Variants in RHBDD1 observed in about 807,000 individuals in gnomAD.
The protein encoded by RHBDD1 is rhomboid domain containing 1.
Under a neutral mutation model 36.3 loss-of-function variants are expected in RHBDD1, and 38 were observed. That is an observed-to-expected ratio of 1.05 (90% CI 0.81 to 1.37). The LOEUF is 1.37. Among genes scored for constraint, RHBDD1 ranks in the 40% most tolerant of loss-of-function variants. RHBDD1 has a pLI of 0.00. For missense variants in RHBDD1, 393 were observed against 377.6 expected, an observed-to-expected ratio of 1.04 and a Z score of -0.34; for synonymous variants, 151 against 136.5, an observed-to-expected ratio of 1.11 and a Z score of -0.74.
the RHBDD1 span, among the ~76,000 whole-genome samples, chr2:226,800,407 C>T: frequency 6.6e-6 from 1 of 152,142 alleles, no homozygotes. Flanking sequence ...CCGTGAGGTA[C>T]CTGGAAGGAA....
intron 8 of RHBDD1, among the ~76,000 whole-genome samples, chr2:226,940,337 ACTAT>A (rs1016781960): frequency 3.3e-5 from 5 of 152,214 alleles, no homozygotes; most frequent in African/African-American, 9.6e-5. Flanking sequence ...ACCAAAAGAA[ACTAT>A]CTAATTGTAC....
chr2:226,927,438 T>C (rs1949737449), intron 8 of RHBDD1, among the ~76,000 whole-genome samples: 1 of 151,810 alleles, frequency 6.6e-6, no homozygotes, highest in Non-Finnish European at 1.5e-5. Context: ...GCTATAAAAA[T>C]TTACGTACCG....
At chr2:226,835,347 A>G (rs747611033), upstream of RHBDD1, among the ~76,000 whole-genome samples, 1 of 152,254 alleles carries the variant, frequency 6.6e-6, no homozygotes, top group Non-Finnish European at 1.5e-5. Flanking sequence ...GTATTAATCG[A>G]AATTCTATTA....
intron 3 of RHBDD1, among the ~76,000 whole-genome samples, chr2:226,856,393 A>G (rs1296923559): frequency 6.6e-6 from 1 of 152,208 alleles, no homozygotes; most frequent in African/African-American, 2.4e-5. Flanking sequence ...TACATTTTGT[A>G]ACTGGATTCT....
intron 8 of RHBDD1, among the ~76,000 whole-genome samples, chr2:226,929,875 A>G (rs987629820): frequency 6.6e-6 from 1 of 151,952 alleles, no homozygotes; most frequent in African/African-American, 2.4e-5. Context: ...ATCAAATCCA[A>G]AACTCAACCC....
chr2:226,981,097 C>CT (rs1241843167), intron 8 of RHBDD1, among the ~76,000 whole-genome samples: 1 of 152,134 alleles, frequency 6.6e-6, no homozygotes, highest in Non-Finnish European at 1.5e-5. Context: ...TTCCATCACT[C>CT]TGAGTAAACT....
chr2:226,981,258 C>G (rs1298143814), intron 8 of RHBDD1, among the ~76,000 whole-genome samples: 1 of 152,072 alleles, frequency 6.6e-6, no homozygotes, highest in Non-Finnish European at 1.5e-5. Flanking sequence ...GGAGAAATAC[C>G]TAATGTAAAT....
At chr2:226,906,247 G>A (rs533177805) in intron 5 of RHBDD1, among the ~76,000 whole-genome samples, 2 of 152,260 alleles carry the variant, frequency 1.3e-5, no homozygotes, top group South Asian at 2.1e-4. Context: ...TGTTCTGAGT[G>A]ACTGAAACAT....
At position 226,916,595 on chromosome 2, in the gene RHBDD1, G is replaced by A. The variant is rs550468690; in HGVS notation, c.856+2244G>A. On this transcript the variant is annotated intron_variant, in intron 8 of 8. Transcript: ENST00000392062. The stretch of plus-strand genomic sequence containing the variant: ...GAACACAGCATGATAGGAAAGATTT[G>A]GACTTATATTTGGGAGACATCTTCT... 7.9e-5 allele frequency among the ~76,000 whole-genome samples: 12 copies of A among 152,192 alleles called. No homozygotes were observed. In the South Asian group the frequency reaches 1.9e-3, roughly 24 times the overall value.
the RHBDD1 span, among the ~76,000 whole-genome samples, chr2:226,812,268 T>G: frequency 6.6e-6 from 1 of 152,254 alleles, no homozygotes. Flanking sequence ...CTAAAATGTT[T>G]GTACAACTTC....
intron 8 of RHBDD1, among the ~76,000 whole-genome samples, chr2:226,983,378 G>A (rs77576554): frequency 6.6e-6 from 1 of 152,086 alleles, no homozygotes; most frequent in African/African-American, 2.4e-5. Context: ...GTAGCTGTGG[G>A]ACCTGGGGCC....
intron 5 of RHBDD1, among the ~76,000 whole-genome samples, chr2:226,868,650 CTG>C (rs1298188117): frequency 1.3e-5 from 2 of 152,158 alleles, no homozygotes; most frequent in African/African-American, 4.8e-5. Context: ...ATTTGTGTGA[CTG>C]TGCTGGGTGT....
chr2:226,809,005 G>T, the RHBDD1 span, among the ~76,000 whole-genome samples: 2 of 152,206 alleles, frequency 1.3e-5, no homozygotes, highest in Non-Finnish European at 2.9e-5. Flanking sequence ...TTGATCCTCC[G>T]AGTGGAGATA....
the RHBDD1 span, among the ~76,000 whole-genome samples, chr2:226,811,357 A>G: frequency 6.6e-6 from 1 of 152,236 alleles, no homozygotes; most frequent in African/African-American, 2.4e-5. Flanking sequence ...GCTGGAGTGC[A>G]GTAGCACGAT....
At position 226,851,890 on chromosome 2, in the gene RHBDD1, G is replaced by A. The variant is rs115628634; in HGVS notation, c.-91+12263G>A. Among the ~76,000 whole-genome samples the A allele has an allele frequency of 2.6e-3, 398 of 152,292 alleles. 1 individual carries two copies. The highest frequency in any genetic ancestry group is 8.5e-3 in the African/African-American group (354 of 41,544). The stretch of plus-strand genomic sequence containing the variant: ...TTACCCTCAACAGCCAGTCGTCAGT[G>A]TAGTAAAGCTTGGCGTTTGTTGCGG... On this transcript the variant is annotated intron_variant, in intron 3 of 8. Coordinates refer to ENST00000392062, the MANE Select transcript of RHBDD1 (RefSeq NM_001167608.3).
At chr2:226,886,205 A>G (rs1242416892) in intron 5 of RHBDD1, among the ~76,000 whole-genome samples, 4 of 152,186 alleles carry the variant, frequency 2.6e-5, no homozygotes, top group East Asian at 1.9e-4. Flanking sequence ...GATATTCTCT[A>G]TTAGTCTTGT....
At chr2:226,902,673 T>C (rs879864039) in intron 5 of RHBDD1, among the ~76,000 whole-genome samples, 4 of 152,232 alleles carry the variant, frequency 2.6e-5, no homozygotes, top group Non-Finnish European at 5.9e-5. Flanking sequence ...CATTTTTATT[T>C]TAAAATTGAA....
At chr2:226,879,426 G>A (rs1945522561) in intron 5 of RHBDD1, among the ~76,000 whole-genome samples, 1 of 152,140 alleles carries the variant, frequency 6.6e-6, no homozygotes, top group Admixed American at 6.5e-5. Flanking sequence ...TGTTCACGAG[G>A]CTTACTAATG....
intron 8 of RHBDD1, among the ~76,000 whole-genome samples, chr2:226,987,668 G>T (rs574746838): frequency 6.6e-6 from 1 of 152,372 alleles, no homozygotes; most frequent in South Asian, 2.1e-4. Context: ...AGGGGCCTGA[G>T]GCCCAGGGAG....
Sources: gnomAD v4.1 joint callset for allele counts (sites outside exome capture counted in the v4.1 genomes callset) on GRCh38, gnomAD v4.1.1 for gene constraint, MANE v1.5 for transcripts, NCBI Gene and HGNC (gene_info 2026-07-23, HGNC 2026-07-21) for gene names.